The following PLCE1 variants were observed in gnomAD, a reference collection of about 807,000 sequenced individuals.
PLCE1 encodes the protein 1-phosphatidylinositol 4,5-bisphosphate phosphodiesterase epsilon-1.
PLCE1 carries 119 observed loss-of-function variants against 242.8 expected under a neutral mutation model. The observed-to-expected ratio is 0.49, with a 90% CI of 0.42 to 0.57. The LOEUF (loss-of-function observed/expected upper bound fraction) is 0.57, where lower values mean the gene tolerates loss of function less well. Ranked by LOEUF, PLCE1 falls within the 20% of genes least tolerant of loss-of-function variation. The pLI is 0.00. For missense variants in PLCE1, 2,441 were observed against 2,788.8 expected, an observed-to-expected ratio of 0.88 and a Z score of 2.81; for synonymous variants, 945 against 1,017.4, an observed-to-expected ratio of 0.93 and a Z score of 1.35.
At chr10:94,026,438 T>G (rs1372888371) in intron 1 of PLCE1, among the ~76,000 whole-genome samples, 1 of 152,148 alleles carries the variant, frequency 6.6e-6, no homozygotes, top group Non-Finnish European at 1.5e-5. Flanking sequence ...CTGTTCACAC[T>G]AAGAAAAGAA....
intron 7 of PLCE1, among the ~76,000 whole-genome samples, chr10:94,239,667 G>C (rs1158368450): frequency 6.6e-6 from 1 of 152,178 alleles, no homozygotes; most frequent in Non-Finnish European, 1.5e-5. Context: ...TTACTGCAAA[G>C]AGGTATTTTC....
At chr10:94,024,212 G>A (rs911869301) in intron 1 of PLCE1, among the ~76,000 whole-genome samples, 1 of 152,132 alleles carries the variant, frequency 6.6e-6, no homozygotes, top group African/African-American at 2.4e-5. Flanking sequence ...GGAAGAGAAT[G>A]CATAAGTAAA....
chr10:94,036,546 GACAT>G (rs1188783189), intron 2 of PLCE1, among the ~76,000 whole-genome samples: 1 of 152,070 alleles, frequency 6.6e-6, no homozygotes, highest in African/African-American at 2.4e-5. Context: ...AATGCTTGCT[GACAT>G]ACTAACTACT....
chr10:94,199,281 G>A (rs972473831), intron 4 of PLCE1, among the ~76,000 whole-genome samples: 9 of 152,154 alleles, frequency 5.9e-5, no homozygotes, highest in African/African-American at 1.4e-4. Flanking sequence ...AGCGTTATGC[G>A]AAGTGGCTGT....
intron 2 of PLCE1, among the ~76,000 whole-genome samples, chr10:94,130,622 G>C (rs2046572269): frequency 6.6e-6 from 1 of 152,280 alleles, no homozygotes; most frequent in African/African-American, 2.4e-5. Context: ...GGCTCTTTCT[G>C]TCCCAGCACA....
At chr10:94,214,746 G>A (rs1326262235) in intron 4 of PLCE1, among the ~76,000 whole-genome samples, 3 of 152,142 alleles carry the variant, frequency 2.0e-5, no homozygotes, top group Non-Finnish European at 4.4e-5. Context: ...GTGAAAAAGT[G>A]ACTTGCGGGC....
chr10:94,223,365 G>A (rs550910301), intron 4 of PLCE1, among the ~76,000 whole-genome samples: 1 of 152,234 alleles, frequency 6.6e-6, no homozygotes, highest in South Asian at 2.1e-4. Flanking sequence ...TAGGGGAGAG[G>A]TGAGGTGATT....
At position 94,171,352 on chromosome 10, in the gene PLCE1, C is replaced by T. The variant is rs1446200425; in HGVS notation, c.1665C>T (p.Tyr555=). The change falls in exon 4 of 33, where the codon TAC becomes TAT. Residue 555 remains tyrosine, a synonymous_variant. Coordinates refer to ENST00000371380, the MANE Select transcript of PLCE1 (RefSeq NM_016341.4). ...TIYRRVLPVD[Y]LCFLTRDLGT... is the part of the protein sequence containing the mutation. Reference sequence around the variant, plus strand: ...ACCGCAGGGTCTTGCCAGTCGACTACCTTTGCTTCTTAACACGGGACTTGG... The same window carrying T: ...ACCGCAGGGTCTTGCCAGTCGACTATCTTTGCTTCTTAACACGGGACTTGG... 2 of 1,614,058 alleles carry T rather than the reference C, an allele frequency of 1.2e-6. No individual in the cohort carries two copies. The highest frequency in any genetic ancestry group is 1.7e-5 in the Admixed American group (1 of 60,004).
At chr10:94,210,127 G>A (rs1050162683) in intron 4 of PLCE1, among the ~76,000 whole-genome samples, 3 of 150,118 alleles carry the variant, frequency 2.0e-5, no homozygotes, top group Admixed American at 6.6e-5. Flanking sequence ...GTGTTTTTTT[G>A]TTTGTTGTTT....
intron 7 of PLCE1, among the ~76,000 whole-genome samples, chr10:94,242,699 A>T (rs2050550632): frequency 6.6e-6 from 1 of 152,176 alleles, no homozygotes; most frequent in Non-Finnish European, 1.5e-5. Flanking sequence ...CAGAAAATAC[A>T]CAAGGTGAGC....
chr10:94,104,799 T>C (rs1230077536), intron 2 of PLCE1: 1 of 152,254 alleles, frequency 6.6e-6, no homozygotes, highest in East Asian at 1.9e-4. Flanking sequence ...ATATTCCTTA[T>C]AGAACAGATG....
intron 8 of PLCE1, among the ~76,000 whole-genome samples, chr10:94,250,656 A>G (rs1476327422): frequency 6.6e-6 from 1 of 152,214 alleles, no homozygotes; most frequent in Non-Finnish European, 1.5e-5. Flanking sequence ...CCTGACCTAA[A>G]CATATTTCTG....
chr10:94,270,858 T>A (rs1043399738), intron 18 of PLCE1, among the ~76,000 whole-genome samples: 2 of 152,024 alleles, frequency 1.3e-5, no homozygotes, highest in Non-Finnish European at 2.9e-5. Context: ...TTAGTAGAGA[T>A]GAGGTTTCGC....
chr10:94,219,752 T>C (rs1212698516), intron 4 of PLCE1, among the ~76,000 whole-genome samples: 1 of 152,182 alleles, frequency 6.6e-6, no homozygotes, highest in Non-Finnish European at 1.5e-5. Context: ...AATTGGATTG[T>C]TATCTGGATA....
At chr10:94,129,096 A>G (rs555246159) in intron 2 of PLCE1, among the ~76,000 whole-genome samples, 3 of 152,246 alleles carry the variant, frequency 2.0e-5, no homozygotes, top group South Asian at 4.1e-4. Context: ...GCACCTTTCT[A>G]TTGCATTATA....
At chr10:94,015,797 T>C (rs2061266729) in intron 1 of PLCE1, among the ~76,000 whole-genome samples, 1 of 152,206 alleles carries the variant, frequency 6.6e-6, no homozygotes, top group Admixed American at 6.5e-5. Context: ...GAGGCTAGTG[T>C]TGATCAGACC....
chr10:94,142,524 C>T (rs2047003093), intron 3 of PLCE1, among the ~76,000 whole-genome samples: 1 of 152,040 alleles, frequency 6.6e-6, no homozygotes, highest in Admixed American at 6.6e-5. Context: ...TCTCTCTCTA[C>T]AAAAACTTTA....
intron 31 of PLCE1, 140 bp from the exon 32 acceptor site, chr10:94,324,752 C>A: frequency 1.0e-6 from 1 of 984,294 alleles, no homozygotes; most frequent in Non-Finnish European, 1.6e-6. Context: ...TGCGGTTAAG[C>A]AGTCCTAGAG....
intron 22 of PLCE1, 90 bp downstream of exon 22, chr10:94,285,055 A>C: frequency 7.9e-6 from 6 of 763,052 alleles, no homozygotes; most frequent in Non-Finnish European, 7.1e-6. Flanking sequence ...GAACACTCTC[A>C]AAATAACTAA....
Sources: gnomAD v4.1 joint callset for allele counts (sites outside exome capture counted in the v4.1 genomes callset) on GRCh38, gnomAD v4.1.1 for gene constraint, MANE v1.5 for transcripts, NCBI Gene and HGNC (gene_info 2026-07-23, HGNC 2026-07-21) for gene names.